SLC24A2: variants seen among roughly 807,000 people sequenced by gnomAD.
The protein encoded by SLC24A2 is sodium/potassium/calcium exchanger 2.
In SLC24A2, 36 loss-of-function variants were observed where a neutral mutation model predicts 62.0. That is an observed-to-expected ratio of 0.58 (90% CI 0.44 to 0.77). The LOEUF (loss-of-function observed/expected upper bound fraction) is 0.77, where lower values mean the gene tolerates loss of function less well. SLC24A2 is among the 30% of genes least tolerant of loss of function. SLC24A2 has a pLI of 0.00. For synonymous variants in SLC24A2, 358 were observed against 294.0 expected, an observed-to-expected ratio of 1.22 and a Z score of -2.23; for missense variants, 846 against 817.9, an observed-to-expected ratio of 1.03 and a Z score of -0.42.
intron 2 of SLC24A2, among the ~76,000 whole-genome samples, chr9:19,641,398 A>G (rs1818489088): frequency 6.6e-6 from 1 of 152,238 alleles, no homozygotes; most frequent in African/African-American, 2.4e-5. Flanking sequence ...TAAACTTAAC[A>G]AAACCAAAGT....
At position 19,511,721 on chromosome 9, in the gene SLC24A2, G is replaced by C. The variant is rs2132606358; in HGVS notation, c.*4432C>G. On this transcript the variant is annotated 3_prime_UTR_variant, in exon 11 of 11. Transcript: ENST00000341998. ...CTGACTTCTATGCATGCTTTCAGGA[G>C]ACAGTAGTTTTCTCCAGAAATCACC... is the stretch of plus-strand genomic sequence containing the variant. 1 of 152,310 alleles carries C rather than the reference G, an allele frequency of 6.6e-6. No homozygotes were observed. Among genetic ancestry groups the C allele is most frequent in the African/African-American group, 2.4e-5 (1 of 41,552 alleles). The allele number at this position is 152,310 out of a possible 1,614,324, so 9.4% of individuals were successfully genotyped here. A position where few individuals can be genotyped will look rare whatever the true frequency, so the allele number is the denominator to read the frequency against.
the SLC24A2 span, among the ~76,000 whole-genome samples, chr9:19,888,725 T>C: frequency 3.9e-5 from 6 of 152,178 alleles, no homozygotes; most frequent in African/African-American, 1.4e-4. Context: ...GGTGATAAAG[T>C]ACAGAATCTG....
the SLC24A2 span, among the ~76,000 whole-genome samples, chr9:19,828,548 T>A: frequency 2.6e-5 from 4 of 152,036 alleles, no homozygotes; most frequent in African/African-American, 4.8e-5. Flanking sequence ...TTCTCAGTAC[T>A]CTGTGAGTAA....
chr9:19,574,765 C>T (rs1835957416), intron 6 of SLC24A2, among the ~76,000 whole-genome samples: 2 of 152,082 alleles, frequency 1.3e-5, no homozygotes, highest in Admixed American at 6.6e-5. Flanking sequence ...TCCAGCACCA[C>T]TGAGGTCTGC....
At chr9:19,881,114 C>G in the SLC24A2 span, among the ~76,000 whole-genome samples, 1 of 152,104 alleles carries the variant, frequency 6.6e-6, no homozygotes, top group East Asian at 1.9e-4. Flanking sequence ...GGCATATCAA[C>G]CATTTGTCCT....
At chr9:20,103,526 G>A in the SLC24A2 span, among the ~76,000 whole-genome samples, 1 of 152,188 alleles carries the variant, frequency 6.6e-6, no homozygotes, top group Non-Finnish European at 1.5e-5. Flanking sequence ...GCAGACAACA[G>A]CATTCGTGGT....
the SLC24A2 span, among the ~76,000 whole-genome samples, chr9:19,966,231 G>T: frequency 1.3e-5 from 2 of 152,088 alleles, no homozygotes; most frequent in South Asian, 2.1e-4. Context: ...TGTATTTAAG[G>T]GTTTTGGATT....
At chr9:19,961,024 G>C in the SLC24A2 span, among the ~76,000 whole-genome samples, 2 of 79,884 alleles carry the variant, frequency 2.5e-5, no homozygotes, top group Admixed American at 2.4e-4. Context: ...AGAGGGGTGG[G>C]TGTGTGTGTG....
the SLC24A2 span, among the ~76,000 whole-genome samples, chr9:20,155,718 A>T: frequency 5.9e-5 from 9 of 151,908 alleles, no homozygotes; most frequent in South Asian, 1.9e-3. Flanking sequence ...GCTTCTATTA[A>T]CTCTTTCAGA....
At chr9:19,840,254 A>T in the SLC24A2 span, among the ~76,000 whole-genome samples, 1 of 152,194 alleles carries the variant, frequency 6.6e-6, no homozygotes, top group Non-Finnish European at 1.5e-5. Flanking sequence ...CTATTTCCCT[A>T]GGTAGCCTCT....
chr9:20,192,376 G>GATAT, the SLC24A2 span, among the ~76,000 whole-genome samples: 9 of 151,322 alleles, frequency 5.9e-5, no homozygotes, highest in African/African-American at 2.2e-4. Flanking sequence ...AAATTGGGAA[G>GATAT]ATATATATAT....
chr9:20,214,938 A>G, the SLC24A2 span, among the ~76,000 whole-genome samples: 349 of 152,364 alleles, frequency 2.3e-3, 2 homozygotes, highest in Middle Eastern at 0.014. Flanking sequence ...TAGATACAAA[A>G]ATCCTATCTA....
chr9:19,938,268 A>G, the SLC24A2 span, among the ~76,000 whole-genome samples: 4,319 of 152,244 alleles, frequency 0.028, 73 homozygotes, highest in Middle Eastern at 0.044. Context: ...AAAAAACATG[A>G]TATAGAAACT....
At chr9:20,240,623 C>G in the SLC24A2 span, among the ~76,000 whole-genome samples, 1 of 152,120 alleles carries the variant, frequency 6.6e-6, no homozygotes, top group Non-Finnish European at 1.5e-5. Flanking sequence ...GATTGGCACT[C>G]AGGTTCCTTT....
the SLC24A2 span, among the ~76,000 whole-genome samples, chr9:20,094,297 C>T: frequency 6.6e-6 from 1 of 152,086 alleles, no homozygotes; most frequent in African/African-American, 2.4e-5. Context: ...TCTGGAAAAC[C>T]CTTTTTTACT....
At chr9:20,224,731 T>A in the SLC24A2 span, among the ~76,000 whole-genome samples, 4 of 151,640 alleles carry the variant, frequency 2.6e-5, no homozygotes, top group Admixed American at 2.6e-4. Context: ...GAGGAAAAAA[T>A]ACCAGAATGC....
chr9:19,894,799 A>G, the SLC24A2 span, among the ~76,000 whole-genome samples: 2 of 152,176 alleles, frequency 1.3e-5, no homozygotes, highest in Non-Finnish European at 2.9e-5. Flanking sequence ...CACAATCATG[A>G]ATTTTCCTAT....
intron 2 of SLC24A2, among the ~76,000 whole-genome samples, chr9:19,697,443 A>C (rs964024846): frequency 5.9e-5 from 9 of 152,200 alleles, no homozygotes; most frequent in African/African-American, 9.6e-5. Context: ...TTAAAATAAA[A>C]GTTGAAGAGA....
At chr9:19,658,531 C>T (rs1819005723) in intron 2 of SLC24A2, among the ~76,000 whole-genome samples, 1 of 152,196 alleles carries the variant, frequency 6.6e-6, no homozygotes, top group African/African-American at 2.4e-5. Flanking sequence ...GCAGGCACTG[C>T]TATTATCCCC....
Sources: allele counts gnomAD v4.1 joint callset (sites outside exome capture counted in the v4.1 genomes callset), GRCh38; gene constraint gnomAD v4.1.1; transcripts MANE v1.5; gene names NCBI Gene and HGNC (gene_info 2026-07-23, HGNC 2026-07-21).